HCAR1: variants seen among roughly 807,000 people sequenced by gnomAD.
HCAR1 encodes the protein hydroxycarboxylic acid receptor 1, also known as G protein-coupled receptor 104.
For synonymous variants in HCAR1, 183 were observed against 182.1 expected, an observed-to-expected ratio of 1.01 and a Z score of -0.04; for missense variants, 445 against 448.7, an observed-to-expected ratio of 0.99 and a Z score of 0.07.
At position 122,729,616 on chromosome 12, in the gene HCAR1, A is replaced by G. The variant is rs1409685905; in HGVS notation, c.724T>C (p.Tyr242His). The change falls in exon 1 of 1, where the codon TAT becomes CAT. Residue 242 changes from tyrosine to histidine, a missense_variant. Tyr to His is a moderately conservative substitution (Grantham distance 83). Transcript: ENST00000432564. ...CYLPSVSARL[Y>H]FLWTVPSSAC... ...CTCGAGGGCACCGTCCAGAGGAAAT[A>G]GAGTCTAGCAGACACGCTGGGCAGG... The G allele has an allele frequency of 6.2e-7, 1 of 1,614,158 alleles. No individual in the cohort carries two copies. The highest frequency in any genetic ancestry group is 1.3e-5 in the African/African-American group (1 of 75,046).
rs371304595 is a variant in HCAR1 at position 122,729,292 on chromosome 12, T to G, written c.*7A>C. 31 of 1,609,574 alleles carry G rather than the reference T, an allele frequency of 1.9e-5. No homozygotes were observed. The highest frequency in any genetic ancestry group is 2.5e-5 in the Non-Finnish European group (29 of 1,176,628). On this transcript the variant is annotated 3_prime_UTR_variant, in exon 1 of 1. Coordinates refer to ENST00000432564, the MANE Select transcript of HCAR1 (RefSeq NM_032554.4). ...TCTATCTTCCTCAGTGTTGTTGGTC[T>G]GCTTGTTCAGTGCCACTCAACAATG...
rs1462512084 is a variant in HCAR1 at position 122,729,805 on chromosome 12, T to C, written c.535A>G (p.Ile179Val). The C allele has an allele frequency of 1.2e-6, 2 of 1,609,850 alleles. No homozygotes were observed. Among genetic ancestry groups the C allele is most frequent in the South Asian group, 1.1e-5 (1 of 91,070 alleles). ...IMESANGWHD[I>V]MFQLEFFMPL... Reference sequence around the variant, plus strand: ...ATAAAGAACTCCAGCTGGAACATGATGTCATGCCAGCCATTGGCCGACTCC... The same window carrying C: ...ATAAAGAACTCCAGCTGGAACATGACGTCATGCCAGCCATTGGCCGACTCC... Residue 179 changes from isoleucine (I) to valine (V), a missense_variant, in exon 1 of 1, where the codon ATC becomes GTC. Transcript: ENST00000432564.
rs977836332 is a variant in HCAR1, at chr12:122,727,342, C to T, written c.*1957G>A. ...GTAAATGCTTGAGCTGAGATTCAAA[C>T]TTCGATGCTTCTAATGCTCTATAGC... On this transcript the variant is annotated 3_prime_UTR_variant, in exon 1 of 1. Coordinates refer to ENST00000432564, the MANE Select transcript of HCAR1 (RefSeq NM_032554.4). 2 of 152,194 alleles carry T rather than the reference C, an allele frequency of 1.3e-5. No individual in the cohort carries two copies. Among genetic ancestry groups the T allele is most frequent in the African/African-American group, 4.8e-5 (2 of 41,432 alleles). The allele number at this position is 152,194 out of a possible 1,614,324, so 9.4% of individuals were successfully genotyped here.
At position 122,728,201 on chromosome 12, in the gene HCAR1, G is replaced by A. The variant is rs1415230299; in HGVS notation, c.*1098C>T. 6.6e-6 allele frequency: 1 copy of A among 152,070 alleles called. No homozygotes were observed. Among genetic ancestry groups the A allele is most frequent in the Non-Finnish European group, 1.5e-5 (1 of 68,026 alleles). 9.4% of individuals were successfully genotyped at this position (152,070 alleles called of 1,614,324 possible). A position where few individuals can be genotyped will look rare whatever the true frequency, so the allele number is the denominator to read the frequency against. On this transcript the variant is annotated 3_prime_UTR_variant, in exon 1 of 1. Transcript: ENST00000432564. ...TTCAGTAAATACTTGGAAAATAAGT[G>A]AATAATTTCAATTCACAGTCACATG...
Position 122,729,740 on chromosome 12 carries a change from A to C in HCAR1, c.600T>G (p.Val200=). Residue 200 remains valine, a synonymous_variant, in exon 1 of 1, where the codon GTT becomes GTG. Coordinates refer to ENST00000432564, the MANE Select transcript of HCAR1 (RefSeq NM_032554.4). Reference sequence around the variant, plus strand: ...GCTGCTGCCTCCGCCTCAGGCTCCAAACAATCTTGAAGGAGCAAAATAAGA... The same window carrying C: ...GCTGCTGCCTCCGCCTCAGGCTCCACACAATCTTGAAGGAGCAAAATAAGA... ...GIILFCSFKI[V]WSLRRRQQLA... 1.2e-6 allele frequency: 2 copies of C among 1,613,300 alleles called. No homozygotes were observed. Among genetic ancestry groups the C allele is most frequent in the Middle Eastern group, 3.3e-4 (2 of 6,062 alleles).
chr12:122,729,951 CGGGT>C lies in HCAR1; in HGVS notation c.385_388del (p.Thr129GlyfsTer74). 1 of 1,613,648 alleles carries C rather than the reference CGGGT, an allele frequency of 6.2e-7. No homozygotes were observed. Among genetic ancestry groups the C allele is most frequent in the East Asian group, 2.2e-5 (1 of 44,874 alleles). Reference sequence around the variant, plus strand: ...GGTGCAGACGATGCCAGCCGCCACCCGGGTGGAGATAGTGTTCACCGCGTGGTGG... The same window carrying C: ...GGTGCAGACGATGCCAGCCGCCACCCGGAGATAGTGTTCACCGCGTGGTGG... On this transcript the variant is annotated frameshift_variant, in exon 1 of 1. Coordinates refer to ENST00000432564, the MANE Select transcript of HCAR1 (RefSeq NM_032554.4). LOFTEE classifies it low-confidence loss of function (END_TRUNC).
rs1403518250 is a variant in HCAR1, at chr12:122,726,102, C to T, written c.*3197G>A. ...TTGCTTTCAGAATCCATTTTTATTA[C>T]AATGAAGGAACAAAGGAGCAACAGC... On this transcript the variant is annotated 3_prime_UTR_variant, in exon 1 of 1. Coordinates refer to ENST00000432564, the MANE Select transcript of HCAR1 (RefSeq NM_032554.4). 1 of 152,106 alleles carries T rather than the reference C, an allele frequency of 6.6e-6. No homozygotes were observed. Among genetic ancestry groups the T allele is most frequent in the Non-Finnish European group, 1.5e-5 (1 of 68,024 alleles). The allele number at this position is 152,106 out of a possible 1,614,324, so 9.4% of individuals were successfully genotyped here.
In HCAR1 at chr12:122,729,920, C is replaced by T. The variant is rs2135498257; in HGVS notation, c.420G>A (p.Trp140Ter). ...RVAAGIVCTL[W>*]ALVILGTVYL... is the part of the protein sequence containing the mutation. ...ACACTGTTCCCAGGATGACCAGGGC[C>T]CACAGGGTGCAGACGATGCCAGCCG... Residue 140 changes from tryptophan (W) to a stop codon, truncating the protein, a stop_gained, in exon 1 of 1, where the codon TGG (tryptophan) becomes TGA (stop). Transcript: ENST00000432564. LOFTEE classifies it low-confidence loss of function (END_TRUNC). The T allele has an allele frequency of 1.9e-6, 3 of 1,612,698 alleles. No homozygotes were observed. The highest frequency in any genetic ancestry group is 2.2e-5 in the East Asian group (1 of 44,842).
rs1456515176 is a variant in HCAR1 at position 122,729,556 on chromosome 12, T to C, written c.784A>G (p.Ile262Val). The C allele has an allele frequency of 5.6e-6, 9 of 1,613,970 alleles. No individual in the cohort carries two copies. Among genetic ancestry groups the C allele is most frequent in the African/African-American group, 1.3e-5 (1 of 74,890 alleles). ...CDPSVHGALH[I>V]TLSFTYMNSM... Reference sequence around the variant, plus strand: ...TTCATGTAGGTGAAGCTGAGGGTTATGTGCAGGGCCCCATGGACAGAGGGA... The same window carrying C: ...TTCATGTAGGTGAAGCTGAGGGTTACGTGCAGGGCCCCATGGACAGAGGGA... The change falls in exon 1 of 1, where the codon ATA becomes GTA. Residue 262 changes from isoleucine to valine, a missense_variant. Transcript: ENST00000432564.
chr12:122,730,317 C>T lies in HCAR1; in HGVS notation c.23G>A (p.Arg8His). Residue 8 changes from arginine to histidine, a missense_variant, in exon 1 of 1, where the codon CGC becomes CAC. Coordinates refer to ENST00000432564, the MANE Select transcript of HCAR1 (RefSeq NM_032554.4). ...CTGGGAGATGGTGTCCCCCTCGATG[C>T]GGCAGCACGACCCGTTGTACATGGC... MYNGSCCRIEGDTISQVM... is the reference protein window; with the variant it reads MYNGSCCHIEGDTISQVM... 1 of 1,585,366 alleles carries T rather than the reference C, an allele frequency of 6.3e-7. No homozygotes were observed. Among genetic ancestry groups the T allele is most frequent in the East Asian group, 2.2e-5 (1 of 44,498 alleles).
In HCAR1 at chr12:122,728,533, C is replaced by T. The variant is rs1418434368; in HGVS notation, c.*766G>A. On this transcript the variant is annotated 3_prime_UTR_variant, in exon 1 of 1. Transcript: ENST00000432564. ...CGGCCTGAAATAAAGCATTGATTGA[C>T]TGAGCCCGGTTTCTGTTTTCTGAGA... is the stretch of plus-strand genomic sequence containing the variant. 6.6e-6 allele frequency: 1 copy of T among 152,246 alleles called. No individual in the cohort carries two copies. Among genetic ancestry groups the T allele is most frequent in the Non-Finnish European group, 1.5e-5 (1 of 68,052 alleles). The allele number at this position is 152,246 out of a possible 1,614,324, so 9.4% of individuals were successfully genotyped here. A position where few individuals can be genotyped will look rare whatever the true frequency, so the allele number is the denominator to read the frequency against.
chr12:122,729,361 C>A lies in HCAR1; in HGVS notation c.979G>T (p.Ala327Ser). The change falls in exon 1 of 1, where the codon GCA (alanine) becomes TCA (serine). Residue 327 changes from alanine (A) to serine (S), a missense_variant. By Grantham distance (99) the Ala-to-Ser change is moderately conservative. Transcript: ENST00000432564. ...NLGRRSCISV[A>S]NSFQSQSDGQ... ...TCAGACTGGCTTTGGAAACTATTTG[C>A]CACACTGATGCAACTCCTGCGACCG... 6.2e-7 allele frequency: 1 copy of A among 1,614,172 alleles called. No individual in the cohort carries two copies. The highest frequency in any genetic ancestry group is 8.5e-7 in the Non-Finnish European group (1 of 1,180,038).
chr12:122,729,598 G>A lies in HCAR1; in HGVS notation c.742C>T (p.Pro248Ser). ...ACAGAGGGATCGCAGGCACTCGAGG[G>A]CACCGTCCAGAGGAAATAGAGTCTA... ...SARLYFLWTV[P>S]SSACDPSVHG... The change falls in exon 1 of 1, where the codon CCC becomes TCC. Residue 248 changes from proline (P) to serine (S), a missense_variant. Pro to Ser is a moderately conservative substitution (Grantham distance 74). Transcript: ENST00000432564. 1 of 1,614,088 alleles carries A rather than the reference G, an allele frequency of 6.2e-7. No individual in the cohort carries two copies. Among genetic ancestry groups the A allele is most frequent in the Non-Finnish European group, 8.5e-7 (1 of 1,180,018 alleles).
rs779783729 is a variant in HCAR1, at chr12:122,729,192, G to A, written c.*107C>T. 330 of 941,640 alleles carry A rather than the reference G, an allele frequency of 3.5e-4. No homozygotes were observed. The highest frequency in any genetic ancestry group is 3.5e-4 in the Non-Finnish European group (215 of 614,580). The allele number at this position is 941,640 out of a possible 1,614,324, so 58.3% of individuals were successfully genotyped here. The stretch of plus-strand genomic sequence containing the variant: ...GGATGCAGTTCATGTGCGAGAAGCC[G>A]TCTTGCAATAAGAAAGGGGGGTGGC... On this transcript the variant is annotated 3_prime_UTR_variant, in exon 1 of 1. Coordinates refer to ENST00000432564, the MANE Select transcript of HCAR1 (RefSeq NM_032554.4).
chr12:122,730,243 T>TG lies in HCAR1; in HGVS notation c.96dup (p.Asn33GlnfsTer29), dbSNP rs748861046. On this transcript the variant is annotated frameshift_variant, in exon 1 of 1. Transcript: ENST00000432564. LOFTEE classifies it low-confidence loss of function (END_TRUNC). The stretch of plus-strand genomic sequence containing the variant: ...CAGAAACCACACAGGGCGACCCCAT[T>TG]GCCTAGTGCGCCCAGCACAAAGGCC... The TG allele has an allele frequency of 2.5e-6, 4 of 1,613,770 alleles. No homozygotes were observed.
chr12:122,726,719 C>T lies in HCAR1; in HGVS notation c.*2580G>A, dbSNP rs900306246. The T allele has an allele frequency of 4.0e-5, 6 of 151,528 alleles. No homozygotes were observed. Among genetic ancestry groups the T allele is most frequent in the African/African-American group, 4.9e-5 (2 of 41,212 alleles). The allele number at this position is 151,528 out of a possible 1,614,324, so 9.4% of individuals were successfully genotyped here. A position where few individuals can be genotyped will look rare whatever the true frequency, so the allele number is the denominator to read the frequency against. ...ACAAGTCAGGAGATCAAGACCATCCCGGCTAACACAATGAAACCCCGTCTG... is the reference window on the plus strand; with the variant it reads ...ACAAGTCAGGAGATCAAGACCATCCTGGCTAACACAATGAAACCCCGTCTG... On this transcript the variant is annotated 3_prime_UTR_variant, in exon 1 of 1. Transcript: ENST00000432564.
rs2135496717 is a variant in HCAR1 at position 122,726,465 on chromosome 12, G to A, written c.*2834C>T. 6.6e-6 allele frequency: 1 copy of A among 152,262 alleles called. No individual in the cohort carries two copies. 9.4% of individuals were successfully genotyped at this position (152,262 alleles called of 1,614,324 possible). On this transcript the variant is annotated 3_prime_UTR_variant, in exon 1 of 1. Coordinates refer to ENST00000432564, the MANE Select transcript of HCAR1 (RefSeq NM_032554.4). Reference sequence around the variant, plus strand: ...TTTACTGAGCACCTGCTATGTGCAGGTCCTCTTCTAGGCATTGGGTATATA... The same window carrying A: ...TTTACTGAGCACCTGCTATGTGCAGATCCTCTTCTAGGCATTGGGTATATA...
Position 122,729,734 on chromosome 12 carries a change from G to C in HCAR1, c.606C>G (p.Ser202Arg), listed in dbSNP as rs1275043411. ...TGGCCAGCTGCTGCCTCCGCCTCAG[G>C]CTCCAAACAATCTTGAAGGAGCAAA... is the stretch of plus-strand genomic sequence containing the variant. ...ILFCSFKIVW[S>R]LRRRQQLARQ... The change falls in exon 1 of 1, where the codon AGC becomes AGG. Residue 202 changes from serine to arginine, a missense_variant. By Grantham distance (110) the Ser-to-Arg change is moderately radical. Transcript: ENST00000432564. 6.2e-7 allele frequency: 1 copy of C among 1,613,430 alleles called. No individual in the cohort carries two copies. The highest frequency in any genetic ancestry group is 2.2e-5 in the East Asian group (1 of 44,880).
At position 122,726,431 on chromosome 12, in the gene HCAR1, C is replaced by G. The variant is rs1877792385; in HGVS notation, c.*2868G>C. ...CTTTACATGCACTTAATCATTCATT[C>G]AACAAACATTTACTGAGCACCTGCT... is the stretch of plus-strand genomic sequence containing the variant. On this transcript the variant is annotated 3_prime_UTR_variant, in exon 1 of 1. Transcript: ENST00000432564. 6.6e-6 allele frequency: 1 copy of G among 152,222 alleles called. No homozygotes were observed. The highest frequency in any genetic ancestry group is 1.5e-5 in the Non-Finnish European group (1 of 68,048). 9.4% of individuals were successfully genotyped at this position (152,222 alleles called of 1,614,324 possible).
Sources: allele counts gnomAD v4.1 joint callset, GRCh38; gene constraint gnomAD v4.1.1; transcripts MANE v1.5; gene names NCBI Gene and HGNC (gene_info 2026-07-23, HGNC 2026-07-21).